The following NUP133 variants were observed in gnomAD, a reference collection of about 807,000 sequenced individuals.
The protein encoded by NUP133 is nuclear pore complex protein Nup133.
A neutral mutation model predicts 146.2 loss-of-function variants in NUP133; 66 were observed. The ratio of observed to expected loss-of-function variants is 0.45; its 90% CI spans 0.37 to 0.55. NUP133 has a LOEUF of 0.55. Ranked by LOEUF, NUP133 falls within the 20% of genes least tolerant of loss-of-function variation. The pLI, the probability that NUP133 is intolerant of heterozygous loss-of-function variation, is 0.00. For missense variants in NUP133, 1,277 were observed against 1,374.8 expected (o/e 0.93, Z 1.12); for synonymous variants, 521 against 498.8 (o/e 1.04, Z -0.59).
chr1:229,449,750 T>C (rs1277444543), intron 23 of NUP133, among the ~76,000 whole-genome samples: 1 of 150,562 alleles, frequency 6.6e-6, no homozygotes, highest in Non-Finnish European at 1.5e-5. Context: ...TTACTTTCAA[T>C]TGCATCGACA....
chr1:229,508,327 C>G lies in NUP133; in HGVS notation c.-78G>C. ...GCCTGGCCTGCGCGCGGAACTTAAA[C>G]ACCTAAGGGAAGAGATGGCGCGCGA... On this transcript the variant is annotated 5_prime_UTR_variant, in exon 1 of 26. Coordinates refer to ENST00000261396, the MANE Select transcript of NUP133 (RefSeq NM_018230.3). The G allele has an allele frequency of 1.8e-6, 2 of 1,134,874 alleles. No homozygotes were observed. Among genetic ancestry groups the G allele is most frequent in the Non-Finnish European group, 2.4e-6 (2 of 848,688 alleles). The allele number at this position is 1,134,874 out of a possible 1,614,324, so 70.3% of individuals were successfully genotyped here. A position where few individuals can be genotyped will look rare whatever the true frequency, so the allele number is the denominator to read the frequency against.
chr1:229,488,676 TC>T (rs1485493169), intron 9 of NUP133, among the ~76,000 whole-genome samples: 78 of 141,348 alleles, frequency 5.5e-4, no homozygotes, highest in African/African-American at 6.1e-4. Flanking sequence ...AGAGTAAGGA[TC>T]AAAAAAAAAA....
At position 229,502,723 on chromosome 1, in the gene NUP133, C is replaced by G. The variant is rs895893217; in HGVS notation, c.302-621G>C. 3.3e-5 allele frequency among the ~76,000 whole-genome samples: 5 copies of G among 151,568 alleles called. No homozygotes were observed. In the East Asian group the frequency reaches 9.7e-4, roughly 29 times the overall value. On this transcript the variant is annotated intron_variant, in intron 2 of 25. Coordinates refer to ENST00000261396, the MANE Select transcript of NUP133 (RefSeq NM_018230.3). ...GGCACAGTGGCTCATGCTTATAAATCCCAATATTTTGGGAGGCCACCCTGG... is the reference window on the plus strand; with the variant it reads ...GGCACAGTGGCTCATGCTTATAAATGCCAATATTTTGGGAGGCCACCCTGG...
intron 2 of NUP133, among the ~76,000 whole-genome samples, chr1:229,503,050 G>C (rs1450536530): frequency 6.6e-6 from 1 of 151,968 alleles, no homozygotes; most frequent in African/African-American, 2.4e-5. Context: ...GGTGGATCAT[G>C]AGGTCAGGAG....
At chr1:229,460,106 T>C (rs985121064) in intron 20 of NUP133, among the ~76,000 whole-genome samples, 2 of 152,254 alleles carry the variant, frequency 1.3e-5, no homozygotes, top group African/African-American at 2.4e-5. Flanking sequence ...ATTTCCCTAA[T>C]GATGAGTGAT....
rs550820588 is a variant in NUP133 at position 229,443,672 on chromosome 1, C to T, written c.3334+1242G>A. On this transcript the variant is annotated intron_variant, in intron 25 of 25. Transcript: ENST00000261396. ...TACATTTGTCCTGTTATTAAAAAAC[C>T]GCACGCCTTATATATGTAAAATATA... 4.0e-5 allele frequency among the ~76,000 whole-genome samples: 6 copies of T among 151,266 alleles called. No homozygotes were observed. In the South Asian group the frequency reaches 6.3e-4, roughly 16 times the overall value.
chr1:229,455,947 C>T (rs1660550305), intron 21 of NUP133, among the ~76,000 whole-genome samples: 1 of 152,198 alleles, frequency 6.6e-6, no homozygotes, highest in African/African-American at 2.4e-5. Context: ...GATCAAGAAT[C>T]TCGCTCTGCA....
chr1:229,497,823 A>G (rs1281384628), intron 6 of NUP133, among the ~76,000 whole-genome samples: 1 of 152,230 alleles, frequency 6.6e-6, no homozygotes, highest in Non-Finnish European at 1.5e-5. Context: ...GAGTAGAAAC[A>G]CGCTTCTGGT....
At position 229,508,287 on chromosome 1, in the gene NUP133, G is replaced by C; in HGVS notation, c.-38C>G. On this transcript the variant is annotated 5_prime_UTR_variant, in exon 1 of 26. Coordinates refer to ENST00000261396, the MANE Select transcript of NUP133 (RefSeq NM_018230.3). ...CAGCGACTAGGACAGCGAGGGATCT[G>C]GCCGTCAGGTTGCAGCCTGGCCTGC... is the stretch of plus-strand genomic sequence containing the variant. 7.2e-7 allele frequency: 1 copy of C among 1,389,868 alleles called. No individual in the cohort carries two copies. Among genetic ancestry groups the C allele is most frequent in the African/African-American group, 1.5e-5 (1 of 66,316 alleles). 86.1% of individuals were successfully genotyped at this position (1,389,868 alleles called of 1,614,324 possible). A position where few individuals can be genotyped will look rare whatever the true frequency, so the allele number is the denominator to read the frequency against.
intron 13 of NUP133, 21 bp downstream of exon 13, chr1:229,477,576 C>T (rs772394211): frequency 6.3e-7 from 1 of 1,580,742 alleles, no homozygotes; most frequent in East Asian, 2.3e-5. Flanking sequence ...ACACACCGTT[C>T]CATAATTGAA....
At chr1:229,477,819 C>A in intron 12 of NUP133, 59 bp from the exon 13 acceptor site, 2 of 1,355,428 alleles carry the variant, frequency 1.5e-6, no homozygotes, top group Non-Finnish European at 1.0e-6. Flanking sequence ...CAAAACTCAC[C>A]AAGAAAAAAT....
intron 5 of NUP133, among the ~76,000 whole-genome samples, chr1:229,498,875 TTTTA>T (rs1375176585): frequency 1.3e-5 from 2 of 152,028 alleles, no homozygotes; most frequent in African/African-American, 4.8e-5. Context: ...GGTTATCAGA[TTTTA>T]TTTATTTATA....
rs1172844962 is a variant in NUP133 at position 229,495,547 on chromosome 1, CAT to C, written c.992_993del (p.Tyr331Ter). 2 of 1,609,784 alleles carry C rather than the reference CAT, an allele frequency of 1.2e-6. No homozygotes were observed. The highest frequency in any genetic ancestry group is 1.7e-6 in the Non-Finnish European group (2 of 1,176,666). On this transcript the variant is annotated frameshift_variant, in exon 8 of 26. Transcript: ENST00000261396. LOFTEE classifies it high-confidence loss of function. The stretch of plus-strand genomic sequence containing the variant: ...ATGTTGACTCCTTCTTTAATAGCTT[CAT>C]AGTTACTTTCAGATCCCTACATGAA... ...TDAIWGSESN[Y>X]EAIKEGVNIR...
intron 15 of NUP133, among the ~76,000 whole-genome samples, chr1:229,469,566 T>G (rs1051107726): frequency 6.6e-6 from 1 of 152,072 alleles, no homozygotes; most frequent in Non-Finnish European, 1.5e-5. Context: ...GATGAGGCAT[T>G]ATCAACCTCA....
intron 2 of NUP133, among the ~76,000 whole-genome samples, chr1:229,503,631 T>C (rs1661860997): frequency 6.6e-6 from 1 of 152,222 alleles, no homozygotes; most frequent in Admixed American, 6.5e-5. Context: ...GCATAGACAA[T>C]GTACAAGCAA....
rs1228098000 is a variant in NUP133, at chr1:229,483,927, C to CA, written c.1592+126dup. 7.8e-5 allele frequency: 49 copies of CA among 631,930 alleles called. No homozygotes were observed. In the East Asian group the frequency reaches 1.2e-3, roughly 15 times the overall value. 39.1% of individuals were successfully genotyped at this position (631,930 alleles called of 1,614,324 possible). On this transcript the variant is annotated intron_variant, in intron 12 of 25. Coordinates refer to ENST00000261396, the MANE Select transcript of NUP133 (RefSeq NM_018230.3). Reference sequence around the variant, plus strand: ...AACAGTTTATTAAAGTGCTAAAGCTCAAAAAAACATTCTCCTCTTGATAGC... The same window carrying CA: ...AACAGTTTATTAAAGTGCTAAAGCTCAAAAAAAACATTCTCCTCTTGATAGC...
At chr1:229,450,054 T>TTTTGTA (rs1016337000) in intron 23 of NUP133, among the ~76,000 whole-genome samples, 2 of 148,694 alleles carry the variant, frequency 1.3e-5, no homozygotes, top group African/African-American at 4.9e-5. Flanking sequence ...ATTTTTTTTT[T>TTTTGTA]TTTGTATTTT....
rs1156791727 is a variant in NUP133 at position 229,495,897 on chromosome 1, T to C, written c.970A>G (p.Ile324Val). 1 of 1,589,360 alleles carries C rather than the reference T, an allele frequency of 6.3e-7. No homozygotes were observed. The highest frequency in any genetic ancestry group is 2.2e-5 in the East Asian group (1 of 44,568). ...TGAATATTATTGTTTCTTACCCAAA[T>C]AGCATCGGTAATGTTTTCCTTCAGG... ...RALKENITDA[I>V]WGSESNYEAI... The change falls in exon 7 of 26, where the codon ATT becomes GTT. Residue 324 changes from isoleucine (I) to valine (V), a missense_variant. Ile to Val is a conservative substitution (Grantham distance 29). Transcript: ENST00000261396.
chr1:229,447,207 T>C (rs1001271012), intron 24 of NUP133, among the ~76,000 whole-genome samples: 1 of 152,216 alleles, frequency 6.6e-6, no homozygotes, highest in African/African-American at 2.4e-5. Flanking sequence ...TGATTTATTA[T>C]ATGAGTGGTC....
Sources: allele counts gnomAD v4.1 joint callset (sites outside exome capture counted in the v4.1 genomes callset), GRCh38; gene constraint gnomAD v4.1.1; transcripts MANE v1.5; gene names NCBI Gene and HGNC (gene_info 2026-07-23, HGNC 2026-07-21).